USP5: variants seen among roughly 807,000 people sequenced by gnomAD.
USP5 encodes ubiquitin carboxyl-terminal hydrolase 5.
Under a neutral mutation model 102.5 loss-of-function variants are expected in USP5, and 24 were observed. That is an observed-to-expected ratio of 0.23 (90% CI 0.17 to 0.33). The LOEUF (loss-of-function observed/expected upper bound fraction) is 0.33, where lower values mean the gene tolerates loss of function less well. USP5 is among the 10% of genes least tolerant of loss of function. USP5 has a pLI of 1.00. For missense variants in USP5, 753 were observed against 1,122.1 expected (o/e 0.67, Z 4.70); for synonymous variants, 460 against 434.8 (o/e 1.06, Z -0.72).
rs201625392 is a variant in USP5 at position 6,861,625 on chromosome 12, C to T, written c.1673+8C>T. 32 of 1,543,408 alleles carry T rather than the reference C, an allele frequency of 2.1e-5. No individual in the cohort carries two copies. Among genetic ancestry groups the T allele is most frequent in the Non-Finnish European group, 2.8e-5 (32 of 1,141,250 alleles). ...CAAGTCAGTAGCTGTCAAGTAAGTCCTCTGGTCGGGGCCTGAGGCTGTGGG... is the reference window on the plus strand; with the variant it reads ...CAAGTCAGTAGCTGTCAAGTAAGTCTTCTGGTCGGGGCCTGAGGCTGTGGG... On this transcript the variant is annotated splice_region_variant and intron_variant, in intron 13 of 19. Transcript: ENST00000229268. This position sits in a 1 kb window ranked among gnomAD's most constrained non-coding sequence, Gnocchi z 4.9.
At position 6,855,507 on chromosome 12, in the gene USP5, TCCGGCGGAC is replaced by T. The variant is rs1414920560; in HGVS notation, c.225_233del (p.Thr76_Arg78del). The T allele has an allele frequency of 6.2e-7, 1 of 1,614,190 alleles. No homozygotes were observed. The highest frequency in any genetic ancestry group is 8.5e-7 in the Non-Finnish European group (1 of 1,180,040). ...ACCGGCCAGCGAGTCTACTTGCACCTCCGGCGGACCCGGCGCCCGGTAGGAGCAGGGCTG... is the reference window on the plus strand; with the variant it reads ...ACCGGCCAGCGAGTCTACTTGCACCTCCGGCGCCCGGTAGGAGCAGGGCTG... On this transcript the variant is annotated inframe_deletion, in exon 2 of 20. Transcript: ENST00000229268. This position sits in a 1 kb window ranked among gnomAD's most constrained non-coding sequence, Gnocchi z 4.6.
At chr12:6,859,208 G>A (rs1408684486) in intron 8 of USP5, among the ~76,000 whole-genome samples, 1 of 152,188 alleles carries the variant, frequency 6.6e-6, no homozygotes, top group Non-Finnish European at 1.5e-5. Context: ...CTGTCCAATA[G>A]AACGTGAACT....
intron 1 of USP5, among the ~76,000 whole-genome samples, chr12:6,853,463 G>A (rs1944008553): frequency 6.6e-6 from 1 of 152,222 alleles, no homozygotes. Flanking sequence ...GCGGAGCAGA[G>A]CTCCGGGGTT....
In USP5 at chr12:6,864,260, A is replaced by G; in HGVS notation, c.2244+65A>G. On this transcript the variant is annotated intron_variant, in intron 17 of 19. Transcript: ENST00000229268. The surrounding 1 kb of genome is among the most constrained non-coding windows in gnomAD (Gnocchi z 4.8). ...AAGAAGGGGGTGGGAATGAGGGGCC[A>G]TCCTTCTTGAGCAAGACCAAAGACA... 6.6e-7 allele frequency: 1 copy of G among 1,511,940 alleles called. No homozygotes were observed. Among genetic ancestry groups the G allele is most frequent in the Non-Finnish European group, 8.8e-7 (1 of 1,132,606 alleles). 93.7% of individuals were successfully genotyped at this position (1,511,940 alleles called of 1,614,324 possible). A position where few individuals can be genotyped will look rare whatever the true frequency, so the allele number is the denominator to read the frequency against.
At position 6,856,114 on chromosome 12, in the gene USP5, T is replaced by C. The variant is rs1555128183; in HGVS notation, c.402T>C (p.Asp134=). The change falls in exon 4 of 20, where the codon GAT becomes GAC. Residue 134 remains aspartate, a synonymous_variant. Coordinates refer to ENST00000229268, the MANE Select transcript of USP5 (RefSeq NM_001098536.2). This position sits in a 1 kb window ranked among gnomAD's most constrained non-coding sequence, Gnocchi z 5.6. ...CAGATTACCTGGAGATTGCCCGGGA[T>C]GGACTGGGGGGACTGCCTGACATTG... ...ILPDYLEIAR[D]GLGGLPDIVR... 6.2e-7 allele frequency: 1 copy of C among 1,614,134 alleles called. No homozygotes were observed. The highest frequency in any genetic ancestry group is 2.2e-5 in the East Asian group (1 of 44,890).
chr12:6,864,168 C>T lies in USP5; in HGVS notation c.2217C>T (p.Asp739=), dbSNP rs201967970. The T allele has an allele frequency of 3.1e-6, 5 of 1,612,552 alleles. No individual in the cohort carries two copies. The Admixed American group carries it at 5.0e-5, about 16-fold the overall frequency. Residue 739 remains aspartate, a synonymous_variant, in exon 17 of 20, where the codon GAC becomes GAT. Transcript: ENST00000229268. The surrounding 1 kb of genome is among the most constrained non-coding windows in gnomAD (Gnocchi z 4.8). ...TTGTCTCCATGGGCTTCTCCCGGGA[C>T]CAGGCCTTGAAAGCGCTGCGGGCCA... ...TTIVSMGFSR[D]QALKALRATN...
Position 6,856,479 on chromosome 12 carries a change from C to T in USP5, c.584+29C>T, listed in dbSNP as rs1276724105. 3.1e-6 allele frequency: 5 copies of T among 1,587,966 alleles called. No homozygotes were observed. Among genetic ancestry groups the T allele is most frequent in the Non-Finnish European group, 4.3e-6 (5 of 1,166,220 alleles). ...AGGCCTGGCCCCTCTGCCTCGGGCA[C>T]CACCCCCAGAGCAAGGACAAGGAGC... On this transcript the variant is annotated intron_variant, in intron 5 of 19. Coordinates refer to ENST00000229268, the MANE Select transcript of USP5 (RefSeq NM_001098536.2). The surrounding 1 kb of genome is among the most constrained non-coding windows in gnomAD (Gnocchi z 5.6).
rs199918732 is a variant in USP5, at chr12:6,863,936, C to A, written c.2061C>A (p.Ala687=). The A allele has an allele frequency of 6.2e-7, 1 of 1,607,354 alleles. No individual in the cohort carries two copies. Among genetic ancestry groups the A allele is most frequent in the South Asian group, 1.1e-5 (1 of 90,436 alleles). ...VYYTGNSGAE[A]AMNWVMSHMD... ...ACACGGGCAACAGCGGGGCTGAGGC[C>A]GCCATGAACTGGGTCATGTCACACA... is the stretch of plus-strand genomic sequence containing the variant. The change falls in exon 16 of 20, where the codon GCC becomes GCA. Residue 687 remains alanine, a synonymous_variant. Coordinates refer to ENST00000229268, the MANE Select transcript of USP5 (RefSeq NM_001098536.2). The surrounding 1 kb of genome is among the most constrained non-coding windows in gnomAD (Gnocchi z 4.7).
chr12:6,864,691 GA>G lies in USP5; in HGVS notation c.2245-24del, dbSNP rs781945074. The G allele has an allele frequency of 1.4e-5, 22 of 1,589,850 alleles. No individual in the cohort carries two copies. In the East Asian group the frequency reaches 4.3e-4, roughly 31 times the overall value. ...GCGACAGAGCAAGACTCCGTCTCAA[GA>G]AAAAAAGTAATGCTTCCTTCCTCTC... On this transcript the variant is annotated intron_variant, in intron 17 of 19. Transcript: ENST00000229268. This position sits in a 1 kb window ranked among gnomAD's most constrained non-coding sequence, Gnocchi z 4.8.
In USP5 at chr12:6,856,191, A is replaced by C; in HGVS notation, c.438+41A>C. On this transcript the variant is annotated intron_variant, in intron 4 of 19. Coordinates refer to ENST00000229268, the MANE Select transcript of USP5 (RefSeq NM_001098536.2). This position sits in a 1 kb window ranked among gnomAD's most constrained non-coding sequence, Gnocchi z 5.6. Reference sequence around the variant, plus strand: ...ATGCTACCCAAGATTCTAGAGCAAGATGGGCCAGGGTAGTGGTGTCTTAGG... The same window carrying C: ...ATGCTACCCAAGATTCTAGAGCAAGCTGGGCCAGGGTAGTGGTGTCTTAGG... The C allele has an allele frequency of 6.2e-7, 1 of 1,613,172 alleles. No homozygotes were observed. The highest frequency in any genetic ancestry group is 8.5e-7 in the Non-Finnish European group (1 of 1,179,372).
In USP5 at chr12:6,864,412, G is replaced by A. The variant is rs782612566; in HGVS notation, c.2244+217G>A. On this transcript the variant is annotated intron_variant, in intron 17 of 19. Transcript: ENST00000229268. This position sits in a 1 kb window ranked among gnomAD's most constrained non-coding sequence, Gnocchi z 4.8. ...AAAAATGTAATGCTTCTGTTTGGCC[G>A]GGCGCGGTGGCTCACGCCTGTAATC... Among the ~76,000 whole-genome samples the A allele has an allele frequency of 1.2e-4, 19 of 152,190 alleles. No individual in the cohort carries two copies. Among genetic ancestry groups the A allele is most frequent in the Non-Finnish European group, 1.5e-4 (10 of 68,032 alleles).
chr12:6,858,677 C>T lies in USP5; in HGVS notation c.1058+60C>T. 2 of 1,461,040 alleles carry T rather than the reference C, an allele frequency of 1.4e-6. No homozygotes were observed. The highest frequency in any genetic ancestry group is 2.4e-5 in the East Asian group (1 of 41,804). The allele number at this position is 1,461,040 out of a possible 1,614,324, so 90.5% of individuals were successfully genotyped here. On this transcript the variant is annotated intron_variant, in intron 8 of 19. Transcript: ENST00000229268. The surrounding 1 kb of genome is among the most constrained non-coding windows in gnomAD (Gnocchi z 4.2). ...CTGGTCAGCACCCTCTGGGCATACTCCTCCTTCAGCTTCCCTCAGCACCTC... is the reference window on the plus strand; with the variant it reads ...CTGGTCAGCACCCTCTGGGCATACTTCTCCTTCAGCTTCCCTCAGCACCTC...
Position 6,864,576 on chromosome 12 carries a change from CTACT to C in USP5, c.2245-144_2245-141del. The C allele has an allele frequency of 1.1e-6, 1 of 887,098 alleles. No individual in the cohort carries two copies. Among genetic ancestry groups the C allele is most frequent in the Non-Finnish European group, 1.7e-6 (1 of 595,922 alleles). 55.0% of individuals were successfully genotyped at this position (887,098 alleles called of 1,614,324 possible). A position where few individuals can be genotyped will look rare whatever the true frequency, so the allele number is the denominator to read the frequency against. On this transcript the variant is annotated intron_variant, in intron 17 of 19. Transcript: ENST00000229268. The surrounding 1 kb of genome is among the most constrained non-coding windows in gnomAD (Gnocchi z 4.8). ...TGGTGGTGGGCGTCTGTAGTCCCAG[CTACT>C]TGGGAGGCTGAGGCAGGAGAAAGGC...
Position 6,858,272 on chromosome 12 carries a change from T to C in USP5, c.865-152T>C. 2.8e-6 allele frequency: 2 copies of C among 719,198 alleles called. No individual in the cohort carries two copies. Among genetic ancestry groups the C allele is most frequent in the Non-Finnish European group, 4.3e-6 (2 of 463,260 alleles). The allele number at this position is 719,198 out of a possible 1,614,324, so 44.6% of individuals were successfully genotyped here. A position where few individuals can be genotyped will look rare whatever the true frequency, so the allele number is the denominator to read the frequency against. On this transcript the variant is annotated intron_variant, in intron 7 of 19. Coordinates refer to ENST00000229268, the MANE Select transcript of USP5 (RefSeq NM_001098536.2). The surrounding 1 kb of genome is among the most constrained non-coding windows in gnomAD (Gnocchi z 4.2). The stretch of plus-strand genomic sequence containing the variant: ...ATGTGTGGCCTTCCAGAACTTGAAC[T>C]GGACGATACTCAACATACCTCCCAT...
chr12:6,858,365 G>A lies in USP5; in HGVS notation c.865-59G>A, dbSNP rs1555128796. 8.4e-6 allele frequency: 13 copies of A among 1,547,026 alleles called. No homozygotes were observed. Among genetic ancestry groups the A allele is most frequent in the South Asian group, 2.3e-5 (2 of 86,428 alleles). ...ATCATCCTAGACTCAGTGAGAGATC[G>A]AGGTAAAAACTACAGGGTTGAGTTT... On this transcript the variant is annotated intron_variant, in intron 7 of 19. Coordinates refer to ENST00000229268, the MANE Select transcript of USP5 (RefSeq NM_001098536.2). The surrounding 1 kb of genome is among the most constrained non-coding windows in gnomAD (Gnocchi z 4.2).
At position 6,855,485 on chromosome 12, in the gene USP5, G is replaced by A. The variant is rs782121425; in HGVS notation, c.196G>A (p.Gly66Ser). 36 of 1,614,076 alleles carry A rather than the reference G, an allele frequency of 2.2e-5. No individual in the cohort carries two copies. In the Admixed American group the frequency reaches 2.3e-4, roughly 10 times the overall value. ...QYVERHFNKT[G>S]QRVYLHLRRT... Reference sequence around the variant, plus strand: ...TGTGGAGAGACATTTCAATAAGACCGGCCAGCGAGTCTACTTGCACCTCCG... The same window carrying A: ...TGTGGAGAGACATTTCAATAAGACCAGCCAGCGAGTCTACTTGCACCTCCG... The change falls in exon 2 of 20, where the codon GGC (glycine) becomes AGC (serine). Residue 66 changes from glycine (G) to serine (S), a missense_variant. Coordinates refer to ENST00000229268, the MANE Select transcript of USP5 (RefSeq NM_001098536.2). This position sits in a 1 kb window ranked among gnomAD's most constrained non-coding sequence, Gnocchi z 4.6.
In USP5 at chr12:6,856,634, A is replaced by G; in HGVS notation, c.585-73A>G. On this transcript the variant is annotated intron_variant, in intron 5 of 19. Transcript: ENST00000229268. This position sits in a 1 kb window ranked among gnomAD's most constrained non-coding sequence, Gnocchi z 5.6. ...GACCTTGGATTGGCGGGGGGCCTGCAGAGCCCTCTCTCTCTGCCACTCCCT... is the reference window on the plus strand; with the variant it reads ...GACCTTGGATTGGCGGGGGGCCTGCGGAGCCCTCTCTCTCTGCCACTCCCT... 2 of 1,566,874 alleles carry G rather than the reference A, an allele frequency of 1.3e-6. No individual in the cohort carries two copies. The highest frequency in any genetic ancestry group is 1.7e-6 in the Non-Finnish European group (2 of 1,158,354).
At position 6,860,002 on chromosome 12, in the gene USP5, TGTC is replaced by T. The variant is rs1944231011; in HGVS notation, c.1131-148_1131-146del. 2 of 838,152 alleles carry T rather than the reference TGTC, an allele frequency of 2.4e-6. No homozygotes were observed. The highest frequency in any genetic ancestry group is 3.8e-6 in the Non-Finnish European group (2 of 531,542). The allele number at this position is 838,152 out of a possible 1,614,324, so 51.9% of individuals were successfully genotyped here. On this transcript the variant is annotated intron_variant, in intron 9 of 19. Transcript: ENST00000229268. The surrounding 1 kb of genome is among the most constrained non-coding windows in gnomAD (Gnocchi z 5.5). The stretch of plus-strand genomic sequence containing the variant: ...TCGGGTGACTGTCTTCTGGACGTGT[TGTC>T]TGTCTTGAGCTGGGTTCCTGTAGAA...
In USP5 at chr12:6,863,117, G is replaced by T. The variant is rs1944325571; in HGVS notation, c.1763-69G>T. On this transcript the variant is annotated intron_variant, in intron 14 of 19. Transcript: ENST00000229268. The surrounding 1 kb of genome is among the most constrained non-coding windows in gnomAD (Gnocchi z 4.7). ...GAGCAGTTCTGACATAGGGGGCAGG[G>T]GATTGAGGTTCCCGAATCACTTTCC... 25 of 1,491,028 alleles carry T rather than the reference G, an allele frequency of 1.7e-5. No homozygotes were observed. Among genetic ancestry groups the T allele is most frequent in the Non-Finnish European group, 2.3e-5 (25 of 1,107,452 alleles). The allele number at this position is 1,491,028 out of a possible 1,614,324, so 92.4% of individuals were successfully genotyped here. A position where few individuals can be genotyped will look rare whatever the true frequency, so the allele number is the denominator to read the frequency against.
Sources: allele counts gnomAD v4.1 joint callset (sites outside exome capture counted in the v4.1 genomes callset), GRCh38; gene constraint gnomAD v4.1.1; non-coding constraint Gnocchi (gnomAD v3.1); transcripts MANE v1.5; gene names NCBI Gene and HGNC (gene_info 2026-07-23, HGNC 2026-07-21).